HDAC9: variants seen among roughly 807,000 people sequenced by gnomAD.
The protein encoded by HDAC9 is MEF-2 interacting transcription repressor (MITR) protein.
Under a neutral mutation model 139.4 loss-of-function variants are expected in HDAC9, and 41 were observed. That is an observed-to-expected ratio of 0.29 (90% CI 0.23 to 0.38). The LOEUF is 0.38. Among genes scored for constraint, HDAC9 ranks in the 10% least tolerant of loss-of-function variants. The probability of loss-of-function intolerance (pLI) is 1.00; values close to 1 mark genes in which losing one functional copy is unlikely to be tolerated. For missense variants in HDAC9, 1,147 were observed against 1,297.0 expected, an observed-to-expected ratio of 0.88 and a Z score of 1.78; for synonymous variants, 517 against 476.2, an observed-to-expected ratio of 1.09 and a Z score of -1.12.
chr7:18,137,011 G>C (rs1270140549), intron 1 of HDAC9, among the ~76,000 whole-genome samples: 6 of 141,042 alleles, frequency 4.3e-5, no homozygotes, highest in African/African-American at 1.6e-4. Flanking sequence ...CCTTGAAGAG[G>C]TCCTTCACAT....
intron 1 of HDAC9, among the ~76,000 whole-genome samples, chr7:18,348,792 A>G (rs751959799): frequency 1.2e-4 from 18 of 152,040 alleles, no homozygotes; most frequent in Admixed American, 2.6e-4. Context: ...CAACACTATT[A>G]AAATTACAGC....
chr7:18,458,978 G>A lies in HDAC9; in HGVS notation c.-41-37284G>A. The stretch of plus-strand genomic sequence containing the variant: ...CATGAGTGGGTGACTTCCTTTTCCA[G>A]GCTATTGGTCAAAGCTGCGGTCAGC... On this transcript the variant is annotated intron_variant, in intron 1 of 3. Transcript: ENST00000413509. 2.7e-6 allele frequency: 3 copies of A among 1,095,026 alleles called. No individual in the cohort carries two copies. In the South Asian group the frequency reaches 4.0e-5, roughly 15 times the overall value. 67.8% of individuals were successfully genotyped at this position (1,095,026 alleles called of 1,614,324 possible).
intron 14 of HDAC9, among the ~76,000 whole-genome samples, chr7:18,760,159 A>G (rs1178179): frequency 0.33 from 50,347 of 151,926 alleles, 10,123 homozygotes; most frequent in East Asian, 0.63. Flanking sequence ...CTTATTTCAT[A>G]GTGTTCATTA....
intron 23 of HDAC9, among the ~76,000 whole-genome samples, chr7:18,939,396 A>G (rs547960843): frequency 6.6e-6 from 1 of 152,354 alleles, no homozygotes; most frequent in African/African-American, 2.4e-5. Flanking sequence ...AAGATTATTA[A>G]AAGTGAAAAA....
At chr7:18,452,712 A>G (rs962178625) in intron 1 of HDAC9, among the ~76,000 whole-genome samples, 1 of 152,092 alleles carries the variant, frequency 6.6e-6, no homozygotes, top group African/African-American at 2.4e-5. Context: ...TAAGTCTTAC[A>G]AGATCTGATG....
chr7:18,615,005 G>C (rs1170177861), intron 6 of HDAC9, among the ~76,000 whole-genome samples: 2 of 152,120 alleles, frequency 1.3e-5, no homozygotes, highest in Non-Finnish European at 2.9e-5. Context: ...TGCAAAGCAT[G>C]CTGAAATTGT....
intron 1 of HDAC9, among the ~76,000 whole-genome samples, chr7:18,393,936 T>G (rs1166219031): frequency 6.6e-6 from 1 of 152,208 alleles, no homozygotes; most frequent in African/African-American, 2.4e-5. Context: ...GAGTTATTTT[T>G]ATTTCCATTC....
chr7:18,736,399 G>T (rs553884356), intron 13 of HDAC9, among the ~76,000 whole-genome samples: 9 of 152,232 alleles, frequency 5.9e-5, no homozygotes, highest in Admixed American at 5.9e-4. Context: ...ATTATTTTGA[G>T]ATACATTCCA....
rs1315424519 is a variant in HDAC9 at position 18,297,437 on chromosome 7, A to G, written c.-42+6922A>G. Among the ~76,000 whole-genome samples, 4 of 152,104 alleles carry G rather than the reference A, an allele frequency of 2.6e-5. No individual in the cohort carries two copies. The South Asian group carries it at 6.2e-4, about 24-fold the overall frequency. On this transcript the variant is annotated intron_variant, in intron 1 of 3. Transcript: ENST00000413509. ...TTTGGTCCATGTGTCTGCATTTCTC[A>G]GATAGCTGTTGAGTTTGTTTTATTT... is the stretch of plus-strand genomic sequence containing the variant.
intron 6 of HDAC9, among the ~76,000 whole-genome samples, chr7:18,607,260 G>C (rs1043405396): frequency 6.6e-6 from 1 of 152,138 alleles, no homozygotes; most frequent in African/African-American, 2.4e-5. Context: ...TAAGAACTTC[G>C]AAAATCTAAC....
intron 14 of HDAC9, among the ~76,000 whole-genome samples, chr7:18,751,838 G>T (rs1788475794): frequency 6.6e-6 from 1 of 152,032 alleles, no homozygotes; most frequent in African/African-American, 2.4e-5. Flanking sequence ...CTTCCTGATT[G>T]GTTTTACCAG....
chr7:18,124,394 A>T (rs2128096328), intron 1 of HDAC9, among the ~76,000 whole-genome samples: 1 of 152,296 alleles, frequency 6.6e-6, no homozygotes, highest in South Asian at 2.1e-4. Context: ...GTTTCTATAA[A>T]ACAAGGAGGT....
chr7:18,412,049 A>T (rs1318685472), intron 1 of HDAC9, among the ~76,000 whole-genome samples: 2 of 151,068 alleles, frequency 1.3e-5, no homozygotes, highest in African/African-American at 4.9e-5. Context: ...GCTGGTCTTG[A>T]ACTCCTGACC....
intron 12 of HDAC9, chr7:18,667,705 A>G (rs1250905520): frequency 1.0e-6 from 1 of 985,102 alleles, no homozygotes; most frequent in Admixed American, 6.2e-5. Flanking sequence ...GTAGGAAAAA[A>G]AATCTGAGGA....
rs1272609001 is a variant in HDAC9, at chr7:18,997,056, C to A, written c.*994C>A. 1 of 152,174 alleles carries A rather than the reference C, an allele frequency of 6.6e-6. No homozygotes were observed. Among genetic ancestry groups the A allele is most frequent in the Admixed American group, 6.5e-5 (1 of 15,270 alleles). 9.4% of individuals were successfully genotyped at this position (152,174 alleles called of 1,614,324 possible). On this transcript the variant is annotated 3_prime_UTR_variant, in exon 26 of 26. Coordinates refer to ENST00000686413, the MANE Select transcript of HDAC9 (RefSeq NM_178425.4). ...TCATTCATTCCTTCCTTTAGAAAAACTGAAGATTACCCATAATCTCCTCTT... is the reference window on the plus strand; with the variant it reads ...TCATTCATTCCTTCCTTTAGAAAAAATGAAGATTACCCATAATCTCCTCTT...
At chr7:18,247,845 G>A (rs1160258148) in intron 2 of HDAC9, among the ~76,000 whole-genome samples, 1 of 151,974 alleles carries the variant, frequency 6.6e-6, no homozygotes, top group East Asian at 1.9e-4. Context: ...TTCTCTTTCT[G>A]GAACACTAAT....
At chr7:18,234,555 G>A (rs1793688509) in intron 2 of HDAC9, among the ~76,000 whole-genome samples, 1 of 152,162 alleles carries the variant, frequency 6.6e-6, no homozygotes, top group South Asian at 2.1e-4. Context: ...CATTTAATAT[G>A]CCATCGTTTT....
At chr7:18,753,204 C>T (rs1190155745) in intron 14 of HDAC9, among the ~76,000 whole-genome samples, 1 of 152,008 alleles carries the variant, frequency 6.6e-6, no homozygotes, top group African/African-American at 2.4e-5. Flanking sequence ...TACACAATTA[C>T]AAATTTCAAA....
chr7:18,323,483 C>G (rs1800186618), intron 1 of HDAC9, among the ~76,000 whole-genome samples: 1 of 152,102 alleles, frequency 6.6e-6, no homozygotes, highest in Non-Finnish European at 1.5e-5. Context: ...CTCATGAAGC[C>G]CAAAGTCAGG....
Sources: gnomAD v4.1 joint callset for allele counts (sites outside exome capture counted in the v4.1 genomes callset) on GRCh38, gnomAD v4.1.1 for gene constraint, MANE v1.5 for transcripts, NCBI Gene and HGNC (gene_info 2026-07-23, HGNC 2026-07-21) for gene names.